METTL8: variants seen among roughly 807,000 people sequenced by gnomAD.
METTL8 encodes the protein methyltransferase 8, tRNA N3-cytidine.
METTL8 carries 32 observed loss-of-function variants against 48.7 expected under a neutral mutation model. The ratio of observed to expected loss-of-function variants is 0.66; its 90% confidence interval spans 0.50 to 0.88. The LOEUF (loss-of-function observed/expected upper bound fraction) is 0.88. Among genes scored for constraint, METTL8 ranks in the 40% least tolerant of loss-of-function variants. The pLI is 0.00. For synonymous variants in METTL8, 136 were observed against 157.1 expected, an observed-to-expected ratio of 0.87 and a Z score of 1.01; for missense variants, 464 against 474.4, an observed-to-expected ratio of 0.98 and a Z score of 0.20.
At chr2:171,424,899 C>G (rs1438345147) in intron 1 of METTL8, among the ~76,000 whole-genome samples, 2 of 152,116 alleles carry the variant, frequency 1.3e-5, no homozygotes, top group African/African-American at 4.8e-5. Flanking sequence ...TGTCCCCACC[C>G]AAATCTCATC....
At chr2:171,325,585 G>C (rs1684863454) in intron 9 of METTL8, among the ~76,000 whole-genome samples, 1 of 152,112 alleles carries the variant, frequency 6.6e-6, no homozygotes, top group East Asian at 1.9e-4. Context: ...TCTCCAAAAT[G>C]GAACAGCCTT....
intron 7 of METTL8, among the ~76,000 whole-genome samples, chr2:171,328,854 T>C (rs191864195): frequency 3.3e-5 from 5 of 151,866 alleles, no homozygotes; most frequent in Admixed American, 1.3e-4. Flanking sequence ...CACAGCCAGG[T>C]GATTTTGTAT....
chr2:171,350,560 C>G (rs1484903129), intron 3 of METTL8, among the ~76,000 whole-genome samples: 4 of 152,162 alleles, frequency 2.6e-5, no homozygotes, highest in Non-Finnish European at 5.9e-5. Flanking sequence ...AATGGTTGAA[C>G]TAGTTTACAG....
chr2:171,421,442 C>T (rs1308199778), intron 1 of METTL8, among the ~76,000 whole-genome samples: 2 of 7,516 alleles, frequency 2.7e-4, no homozygotes, highest in Non-Finnish European at 7.2e-4. Context: ...ACAGTGAGAC[C>T]TTACTTCAAA....
chr2:171,336,930 C>T (rs186614684), intron 5 of METTL8, among the ~76,000 whole-genome samples: 7 of 129,496 alleles, frequency 5.4e-5, no homozygotes, highest in South Asian at 4.9e-4. Flanking sequence ...AGTGCAATGG[C>T]GCAGTCGGGT....
chr2:171,412,184 A>G (rs1012276993), intron 1 of METTL8, among the ~76,000 whole-genome samples: 1 of 152,218 alleles, frequency 6.6e-6, no homozygotes, highest in African/African-American at 2.4e-5. Context: ...CTACAATGTC[A>G]TCGAGGATCC....
At chr2:171,424,330 A>AG (rs1395199727) in intron 1 of METTL8, among the ~76,000 whole-genome samples, 1 of 152,120 alleles carries the variant, frequency 6.6e-6, no homozygotes. Context: ...TGGAGATGTG[A>AG]GAAGAGGGCC....
At chr2:171,434,510 G>A (rs1300223007), upstream of METTL8, 17 of 1,523,588 alleles carry the variant, frequency 1.1e-5, no homozygotes, top group East Asian at 3.7e-4. Flanking sequence ...AGCGGCGGCT[G>A]CCCAGCACGG....
chr2:171,430,954 C>CA (rs1692949541), intron 1 of METTL8, among the ~76,000 whole-genome samples: 1 of 152,154 alleles, frequency 6.6e-6, no homozygotes, highest in Admixed American at 6.5e-5. Context: ...TGCATACTCA[C>CA]AAACCAATCA....
chr2:171,329,069 T>C (rs1392241867), intron 7 of METTL8, among the ~76,000 whole-genome samples: 4 of 152,082 alleles, frequency 2.6e-5, no homozygotes, highest in Non-Finnish European at 5.9e-5. Context: ...CACTGCAACC[T>C]CTGCCTCCTG....
chr2:171,397,246 G>T (rs1689157634), intron 1 of METTL8, among the ~76,000 whole-genome samples: 1 of 147,712 alleles, frequency 6.8e-6, no homozygotes. Context: ...AGGCATGGTA[G>T]TTCACGTCTG....
At chr2:171,375,881 T>C (rs1256642969) in intron 2 of METTL8, among the ~76,000 whole-genome samples, 1 of 152,208 alleles carries the variant, frequency 6.6e-6, no homozygotes, top group Non-Finnish European at 1.5e-5. Flanking sequence ...TCTAGGTTCT[T>C]TAACCTTCCT....
At chr2:171,327,557 C>A (rs1041214960) in intron 7 of METTL8, among the ~76,000 whole-genome samples, 1 of 152,044 alleles carries the variant, frequency 6.6e-6, no homozygotes, top group African/African-American at 2.4e-5. Flanking sequence ...CTGTAAATTC[C>A]TTTCAATTAA....
chr2:171,409,821 T>C (rs147961929), intron 1 of METTL8, among the ~76,000 whole-genome samples: 1 of 152,224 alleles, frequency 6.6e-6, no homozygotes, highest in East Asian at 1.9e-4. Context: ...GAAACTGCAA[T>C]GTTCTAGCTG....
At position 171,339,195 on chromosome 2, in the gene METTL8, T is replaced by G; in HGVS notation, c.595A>C (p.Arg199=). 4.6e-6 allele frequency: 7 copies of G among 1,531,808 alleles called. No homozygotes were observed. Among genetic ancestry groups the G allele is most frequent in the South Asian group, 2.6e-5 (2 of 75,640 alleles). 94.9% of individuals were successfully genotyped at this position (1,531,808 alleles called of 1,614,324 possible). A position where few individuals can be genotyped will look rare whatever the true frequency, so the allele number is the denominator to read the frequency against. ...GLFPGSNATF[R]ILEVGCGAGN... ...CTTGAGCACAATACCTCTAGTATCC[T>G]GAAAGTGGCATTGCTACCAGGAAAC... is the stretch of plus-strand genomic sequence containing the variant. The change falls in exon 4 of 10, where the codon AGG becomes CGG. Residue 199 remains arginine, a synonymous_variant. Coordinates refer to ENST00000375258, the MANE Select transcript of METTL8 (RefSeq NM_001321154.2).
chr2:171,359,499 A>G (rs1684939465), intron 3 of METTL8, among the ~76,000 whole-genome samples: 1 of 152,192 alleles, frequency 6.6e-6, no homozygotes, highest in South Asian at 2.1e-4. Flanking sequence ...ATCATCCACC[A>G]ATGCCACTAC....
At chr2:171,360,594 A>G (rs1351017852) in intron 2 of METTL8, 81 bp from the exon 3 acceptor site, 3 of 1,176,120 alleles carry the variant, frequency 2.6e-6, no homozygotes, top group Non-Finnish European at 3.6e-6. Flanking sequence ...CACATCTTTC[A>G]TTCTAGATTA....
intron 3 of METTL8, 134 bp from the exon 4 acceptor site, chr2:171,339,688 TATA>T (rs1042545742): frequency 4.5e-6 from 2 of 441,666 alleles, no homozygotes; most frequent in East Asian, 3.6e-5. Context: ...ACTTTAATAT[TATA>T]ATATTTTAAT....
At chr2:171,430,484 A>T (rs1399530617) in intron 1 of METTL8, among the ~76,000 whole-genome samples, 1 of 152,104 alleles carries the variant, frequency 6.6e-6, no homozygotes, top group Admixed American at 6.5e-5. Context: ...ATGTATACCT[A>T]TATAACAAAA....
Sources: allele counts gnomAD v4.1 joint callset (sites outside exome capture counted in the v4.1 genomes callset), GRCh38; gene constraint gnomAD v4.1.1; transcripts MANE v1.5; gene names NCBI Gene and HGNC (gene_info 2026-07-23, HGNC 2026-07-21).